The following PZP variants were observed in gnomAD, a reference collection of about 807,000 sequenced individuals.
PZP encodes the protein pregnancy zone protein.
Under a neutral mutation model 179.8 loss-of-function variants are expected in PZP, and 150 were observed. The observed-to-expected ratio is 0.83, with a 90% CI of 0.73 to 0.96. The LOEUF is 0.96. Ranked by LOEUF, PZP falls within the 40% of genes least tolerant of loss-of-function variation. The probability of loss-of-function intolerance (pLI) is 0.00; values close to 1 mark genes in which losing one functional copy is unlikely to be tolerated. For missense variants in PZP, 1,689 were observed against 1,764.0 expected, an observed-to-expected ratio of 0.96 and a Z score of 0.76; for synonymous variants, 624 against 652.3, an observed-to-expected ratio of 0.96 and a Z score of 0.66.
In PZP at chr12:9,202,692, G is replaced by A. The variant is rs749752887; in HGVS notation, c.268-8C>T. On this transcript the variant is annotated splice_region_variant and splice_polypyrimidine_tract_variant and intron_variant, in intron 2 of 35. Transcript: ENST00000261336. ...GGCTGAGATCCTTGGGAGCTAAAAA[G>A]CAAAGGATTTTTTACTACTGAGGAA... 2 of 1,612,176 alleles carry A rather than the reference G, an allele frequency of 1.2e-6. No individual in the cohort carries two copies. Among genetic ancestry groups the A allele is most frequent in the African/African-American group, 2.7e-5 (2 of 74,864 alleles).
Position 9,154,697 on chromosome 12 carries a change from T to G in PZP, c.3693A>C (p.Ser1231=). The part of the protein sequence containing the change: ...AYLTAQPAPT[S]GDLTSATNIV... ...TGTTAGTTGCAGAGGTCAGGTCCCC[T>G]GAGGTGGGGGCTGGCTGGGCCGTGA... The change falls in exon 29 of 36, where the codon TCA becomes TCC. Residue 1231 remains serine, a synonymous_variant. Transcript: ENST00000261336. The G allele has an allele frequency of 6.2e-7, 1 of 1,614,148 alleles. No homozygotes were observed. Among genetic ancestry groups the G allele is most frequent in the Non-Finnish European group, 8.5e-7 (1 of 1,180,034 alleles).
intron 15 of PZP, among the ~76,000 whole-genome samples, 162 bp downstream of exon 15, chr12:9,180,821 G>A (rs12308213): frequency 0.6 from 88,472 of 147,592 alleles, 26,888 homozygotes; most frequent in East Asian, 0.82. Context: ...AAACTAAAGA[G>A]CTTCTGCACA....
chr12:9,177,570 C>T (rs557289177), intron 15 of PZP, among the ~76,000 whole-genome samples: 97 of 152,298 alleles, frequency 6.4e-4, no homozygotes, highest in Middle Eastern at 6.8e-3. Context: ...AGATAGGTAA[C>T]GCAAACACCC....
At chr12:9,161,430 A>G (rs1941195633) in intron 22 of PZP, among the ~76,000 whole-genome samples, 1 of 152,202 alleles carries the variant, frequency 6.6e-6, no homozygotes, top group African/African-American at 2.4e-5. Context: ...ATTTGACTTA[A>G]TGATGAGACT....
chr12:9,192,624 A>C lies in PZP; in HGVS notation c.1370T>G (p.Leu457Arg), dbSNP rs1369628828. The C allele has an allele frequency of 6.2e-7, 1 of 1,614,044 alleles. No homozygotes were observed. Among genetic ancestry groups the C allele is most frequent in the East Asian group, 2.2e-5 (1 of 44,900 alleles). ...GGGCAGGGTACCAGCCACAGGCTCC[A>C]GGTGAATGTAACTTCCACTTAAGGA... Reference protein sequence around the residue: ...VFSLSGSYIHLEPVAGTLPCG... With the variant: ...VFSLSGSYIHREPVAGTLPCG... Residue 457 changes from leucine (L) to arginine (R), a missense_variant, in exon 12 of 36, where the codon CTG becomes CGG. Leu to Arg is a moderately radical substitution (Grantham distance 102, BLOSUM62 -2). Transcript: ENST00000261336.
At chr12:9,157,894 C>T in intron 26 of PZP, 53 bp from the exon 27 acceptor site, 1 of 1,446,548 alleles carries the variant, frequency 6.9e-7, no homozygotes, top group Non-Finnish European at 9.7e-7. Flanking sequence ...TTAGTATATT[C>T]TCTTCTGTTG....
chr12:9,150,520 T>A, intron 34 of PZP, 124 bp downstream of exon 34: 1 of 653,404 alleles, frequency 1.5e-6, no homozygotes, highest in Non-Finnish European at 2.6e-6. Flanking sequence ...TTTTATAGTG[T>A]ACATCTTGGA....
intron 27 of PZP, 43 bp downstream of exon 27, chr12:9,157,724 C>A: frequency 6.4e-7 from 1 of 1,562,672 alleles, no homozygotes; most frequent in Non-Finnish European, 8.8e-7. Context: ...GACAGCAAAT[C>A]TACAGTTTTC....
intron 25 of PZP, 113 bp downstream of exon 25, chr12:9,159,825 A>G: frequency 1.1e-6 from 1 of 933,538 alleles, no homozygotes; most frequent in Non-Finnish European, 1.6e-6. Flanking sequence ...TTCTTTATAA[A>G]TTACCTAGTT....
chr12:9,160,351 CTGCG>C lies in PZP; in HGVS notation c.3008_3011del (p.Thr1003ArgfsTer19). Reference sequence around the variant, plus strand: ...AGCCAACGGCCTTGGCCTTGATCTCCTGCGTCAGCTGCTGGGTTTCATTCAGATA... The same window carrying C: ...AGCCAACGGCCTTGGCCTTGATCTCCTCAGCTGCTGGGTTTCATTCAGATA... On this transcript the variant is annotated frameshift_variant, in exon 24 of 36. Transcript: ENST00000261336. LOFTEE classifies it high-confidence loss of function. 6.2e-7 allele frequency: 1 copy of C among 1,614,150 alleles called. No individual in the cohort carries two copies. The highest frequency in any genetic ancestry group is 8.5e-7 in the Non-Finnish European group (1 of 1,180,014).
In PZP at chr12:9,197,147, G is replaced by A. The variant is rs778303267; in HGVS notation, c.756-24C>T. 4 of 1,486,852 alleles carry A rather than the reference G, an allele frequency of 2.7e-6. No individual in the cohort carries two copies. The Admixed American group carries it at 5.1e-5, about 19-fold the overall frequency. 92.1% of individuals were successfully genotyped at this position (1,486,852 alleles called of 1,614,324 possible). A position where few individuals can be genotyped will look rare whatever the true frequency, so the allele number is the denominator to read the frequency against. On this transcript the variant is annotated intron_variant, in intron 7 of 35. Transcript: ENST00000261336. ...ATCTGGTACATGAGAAATAAATCAG[G>A]AATTGAGAATGGCTGTTTGCATTTT...
At chr12:9,196,500 A>G in intron 9 of PZP, 61 bp from the exon 10 acceptor site, 1 of 1,572,730 alleles carries the variant, frequency 6.4e-7, no homozygotes, top group Non-Finnish European at 8.7e-7. Context: ...TTTCTTTCTT[A>G]CAAATGACCT....
chr12:9,164,066 T>C, intron 20 of PZP, 67 bp downstream of exon 20: 1 of 1,504,744 alleles, frequency 6.6e-7, no homozygotes, highest in Non-Finnish European at 9.1e-7. Context: ...GAGAATATGA[T>C]GAAAAAAGTA....
chr12:9,200,764 G>T, intron 6 of PZP, 128 bp downstream of exon 6: 1 of 982,020 alleles, frequency 1.0e-6, no homozygotes, highest in Non-Finnish European at 1.5e-6. Flanking sequence ...CCGTCCTAAT[G>T]GTCTTAGAAG....
intron 21 of PZP, among the ~76,000 whole-genome samples, chr12:9,162,969 G>A (rs1042435647): frequency 6.6e-6 from 1 of 152,018 alleles, no homozygotes; most frequent in African/African-American, 2.4e-5. Flanking sequence ...TATGTTGCTC[G>A]CCTCCATGTG....
intron 23 of PZP, 112 bp from the exon 24 acceptor site, chr12:9,160,602 T>C: frequency 1.0e-6 from 1 of 959,598 alleles, no homozygotes; most frequent in Non-Finnish European, 1.6e-6. Flanking sequence ...AAGAGAAAAG[T>C]TATATACACA....
At chr12:9,166,667 T>G (rs1941606657) in intron 17 of PZP, among the ~76,000 whole-genome samples, 1 of 152,238 alleles carries the variant, frequency 6.6e-6, no homozygotes, top group Admixed American at 6.5e-5. Flanking sequence ...AAATTTACTT[T>G]AAATCACTGT....
rs773578455 is a variant in PZP, at chr12:9,166,248, T to C, written c.2108-46A>G. ...CTAGTTAGGGAAAAACATTCATTAA[T>C]TTCATGGTGCACATGTGAGACGTTA... On this transcript the variant is annotated intron_variant, in intron 17 of 35. Transcript: ENST00000261336. The C allele has an allele frequency of 3.1e-6, 5 of 1,593,916 alleles. No homozygotes were observed. The Admixed American group carries it at 5.2e-5, about 17-fold the overall frequency.
Position 9,160,023 on chromosome 12 carries a change from A to T in PZP, c.3052T>A (p.Tyr1018Asn). The T allele has an allele frequency of 6.2e-7, 1 of 1,613,232 alleles. No individual in the cohort carries two copies. The highest frequency in any genetic ancestry group is 1.1e-5 in the South Asian group (1 of 91,050). The change falls in exon 25 of 36, where the codon TAC (tyrosine) becomes AAC (asparagine). Residue 1018 changes from tyrosine to asparagine, a missense_variant and splice_region_variant. By Grantham distance (143) the Tyr-to-Asn change is moderately radical (BLOSUM62 -2). This residue lies in a region of PZP where 746 missense variants were observed against 749.2 expected (regional missense o/e 1.00). Transcript: ENST00000261336. ...TGTTTGTAGTTCAGCTGTCTCTGGT[A>T]ACCTGAAATGGAAGGCTTCAGATTG... ...AKAVGYLITGYQRQLNYKHQD... is the reference protein window; with the variant it reads ...AKAVGYLITGNQRQLNYKHQD...
Sources: gnomAD v4.1 joint callset for allele counts (sites outside exome capture counted in the v4.1 genomes callset) on GRCh38, gnomAD v4.1.1 for gene constraint, gnomAD v4.1.1 regional missense constraint, MANE v1.5 for transcripts, NCBI Gene and HGNC (gene_info 2026-07-23, HGNC 2026-07-21) for gene names.